The following NCAM2 variants were observed in gnomAD, a reference collection of about 807,000 sequenced individuals.
NCAM2 encodes neural cell adhesion molecule 2.
In NCAM2, 30 loss-of-function variants were observed where a neutral mutation model predicts 98.1. That is an observed-to-expected ratio of 0.31 (90% CI 0.23 to 0.41). The LOEUF (loss-of-function observed/expected upper bound fraction) is 0.41, where lower values mean the gene tolerates loss of function less well. Ranked by LOEUF, NCAM2 falls within the 10% of genes least tolerant of loss-of-function variation. The pLI is 1.00. For synonymous variants in NCAM2, 368 were observed against 342.4 expected, an observed-to-expected ratio of 1.07 and a Z score of -0.83; for missense variants, 867 against 1,005.8, an observed-to-expected ratio of 0.86 and a Z score of 1.87.
At chr21:21,141,892 C>T (rs1240783755) in intron 1 of NCAM2, among the ~76,000 whole-genome samples, 2 of 152,088 alleles carry the variant, frequency 1.3e-5, no homozygotes, top group African/African-American at 2.4e-5. Context: ...AAGGTATGCT[C>T]ATTAGTACTG....
chr21:21,286,242 GT>G, intron 3 of NCAM2, 26 bp from the exon 4 acceptor site: 1 of 1,553,550 alleles, frequency 6.4e-7, no homozygotes, highest in South Asian at 1.2e-5. Flanking sequence ...TTTGTGATTT[GT>G]GATTTGTTTT....
At chr21:21,080,021 A>G (rs535543357) in intron 1 of NCAM2, among the ~76,000 whole-genome samples, 1 of 152,312 alleles carries the variant, frequency 6.6e-6, no homozygotes, top group South Asian at 2.1e-4. Context: ...ACAATAGTGT[A>G]TTATGAACTT....
At chr21:21,136,879 G>T (rs2067066621) in intron 1 of NCAM2, among the ~76,000 whole-genome samples, 1 of 146,642 alleles carries the variant, frequency 6.8e-6, no homozygotes, top group Admixed American at 7.1e-5. Context: ...AAGAAATTTT[G>T]AATGTTAATA....
intron 16 of NCAM2, among the ~76,000 whole-genome samples, chr21:21,517,538 G>GT (rs1409331702): frequency 2.0e-5 from 3 of 152,104 alleles, no homozygotes; most frequent in Non-Finnish European, 2.9e-5. Flanking sequence ...AGTCTCATCA[G>GT]TTTTCCCTCA....
intron 1 of NCAM2, among the ~76,000 whole-genome samples, chr21:21,112,190 T>C (rs2066466784): frequency 6.6e-6 from 1 of 152,312 alleles, no homozygotes; most frequent in Non-Finnish European, 1.5e-5. Flanking sequence ...CATAATATTC[T>C]ATAGTGATTC....
chr21:21,287,040 T>C (rs2073127792), intron 4 of NCAM2, among the ~76,000 whole-genome samples: 1 of 151,986 alleles, frequency 6.6e-6, no homozygotes, highest in Non-Finnish European at 1.5e-5. Context: ...ATTCAAATTG[T>C]CTTCATGATT....
chr21:21,123,314 A>C (rs1332969286), intron 1 of NCAM2, among the ~76,000 whole-genome samples: 1 of 151,958 alleles, frequency 6.6e-6, no homozygotes, highest in Non-Finnish European at 1.5e-5. Flanking sequence ...GAATGGCGTG[A>C]ACCCGGGGGG....
At chr21:21,104,639 A>G (rs559413530) in intron 1 of NCAM2, among the ~76,000 whole-genome samples, 13 of 152,274 alleles carry the variant, frequency 8.5e-5, no homozygotes, top group African/African-American at 2.6e-4. Flanking sequence ...TAAGACAAGA[A>G]TGAGCTTGGA....
chr21:21,532,807 G>A (rs1989779892), intron 16 of NCAM2, among the ~76,000 whole-genome samples: 2 of 152,042 alleles, frequency 1.3e-5, no homozygotes, highest in South Asian at 4.1e-4. Context: ...ACAACATTAA[G>A]ATCCAGTGGT....
chr21:21,246,123 A>G (rs979093611), intron 1 of NCAM2, among the ~76,000 whole-genome samples: 1 of 152,116 alleles, frequency 6.6e-6, no homozygotes, highest in Non-Finnish European at 1.5e-5. Flanking sequence ...TGTCTCTTGG[A>G]TCCCTCAACT....
intron 1 of NCAM2, among the ~76,000 whole-genome samples, chr21:21,192,486 A>C (rs1324999339): frequency 1.3e-5 from 2 of 152,182 alleles, no homozygotes; most frequent in Non-Finnish European, 2.9e-5. Flanking sequence ...TGTTGGTTGC[A>C]ATGGTGGGTG....
chr21:21,380,468 A>T (rs2148085032), intron 9 of NCAM2, among the ~76,000 whole-genome samples: 1 of 152,276 alleles, frequency 6.6e-6, no homozygotes, highest in African/African-American at 2.4e-5. Context: ...ACCATTTTGG[A>T]AGTCAGAGGT....
intron 12 of NCAM2, among the ~76,000 whole-genome samples, chr21:21,446,223 C>T (rs769601432): frequency 2.0e-5 from 3 of 152,074 alleles, no homozygotes; most frequent in African/African-American, 4.8e-5. Flanking sequence ...ATGGGCTTCC[C>T]CATGTAGGTG....
At chr21:21,524,014 A>T (rs233801) in intron 16 of NCAM2, among the ~76,000 whole-genome samples, 52,430 of 151,620 alleles carry the variant, frequency 0.35, 9,410 homozygotes, top group Admixed American at 0.49. Context: ...AAATAAAAAA[A>T]AACGAGACCC....
intron 1 of NCAM2, among the ~76,000 whole-genome samples, chr21:21,058,144 C>CAAAAAAA (rs56355387): frequency 2.7e-4 from 28 of 104,440 alleles, no homozygotes; most frequent in East Asian, 5.6e-4. Context: ...TAAGTCTCTT[C>CAAAAAAA]AAAAAAAAAA....
intron 1 of NCAM2, among the ~76,000 whole-genome samples, chr21:21,107,208 A>G (rs1370958771): frequency 6.6e-6 from 1 of 152,064 alleles, no homozygotes; most frequent in African/African-American, 2.4e-5. Context: ...TTATTTTATC[A>G]TTATCACAAC....
rs2075975054 is a variant in NCAM2 at position 21,373,878 on chromosome 21, A to G, written c.1060A>G (p.Ile354Val). Residue 354 changes from isoleucine (I) to valine (V), a missense_variant, in exon 9 of 18, where the codon ATC becomes GTC. Physicochemically the swap from Ile to Val is conservative, Grantham distance 29 (BLOSUM62 3). Coordinates refer to ENST00000400546, the MANE Select transcript of NCAM2 (RefSeq NM_004540.5). ...ATGTAAACAGAGCCTGGACGGCCGT[A>G]TCGAAGTCAAAGGGCAGCATGGAAG... is the stretch of plus-strand genomic sequence containing the variant. ...TEGDKSLDGR[I>V]EVKGQHGSSS... 8 of 1,608,268 alleles carry G rather than the reference A, an allele frequency of 5.0e-6. No individual in the cohort carries two copies. Among genetic ancestry groups the G allele is most frequent in the Non-Finnish European group, 6.8e-6 (8 of 1,176,992 alleles).
At chr21:21,317,566 A>C (rs1393695518) in intron 5 of NCAM2, among the ~76,000 whole-genome samples, 1 of 151,912 alleles carries the variant, frequency 6.6e-6, no homozygotes, top group Non-Finnish European at 1.5e-5. Flanking sequence ...TTTGAGATAG[A>C]GTCTTGCTCT....
intron 1 of NCAM2, among the ~76,000 whole-genome samples, chr21:21,148,956 T>C (rs2067367672): frequency 6.6e-6 from 1 of 152,186 alleles, no homozygotes; most frequent in Non-Finnish European, 1.5e-5. Flanking sequence ...TATCCAGCTC[T>C]TTCAATGACG....
Sources: allele counts gnomAD v4.1 joint callset (sites outside exome capture counted in the v4.1 genomes callset), GRCh38; gene constraint gnomAD v4.1.1; transcripts MANE v1.5; gene names NCBI Gene and HGNC (gene_info 2026-07-23, HGNC 2026-07-21).